ARHGAP26: variants seen among roughly 807,000 people sequenced by gnomAD.
The protein encoded by ARHGAP26 is Rho GTPase activating protein 26, also known as rho GTPase-activating protein 26.
In ARHGAP26, 38 loss-of-function variants were observed where a neutral mutation model predicts 104.8. The observed-to-expected ratio is 0.36, with a 90% CI of 0.28 to 0.48. The LOEUF (loss-of-function observed/expected upper bound fraction) is 0.48, where lower values mean the gene tolerates loss of function less well. Among genes scored for constraint, ARHGAP26 ranks in the 20% least tolerant of loss-of-function variants. ARHGAP26 has a pLI of 0.99. For synonymous variants in ARHGAP26, 341 were observed against 340.0 expected (o/e 1.00, Z -0.03); for missense variants, 704 against 947.9 (o/e 0.74, Z 3.38).
intron 10 of ARHGAP26, among the ~76,000 whole-genome samples, chr5:142,920,128 A>G (rs1314498644): frequency 6.6e-6 from 1 of 152,252 alleles, no homozygotes; most frequent in African/African-American, 2.4e-5. Flanking sequence ...AATTGAATAA[A>G]GACTAGATTG....
intron 20 of ARHGAP26, among the ~76,000 whole-genome samples, chr5:143,177,133 G>C (rs1162489979): frequency 6.6e-6 from 1 of 152,152 alleles, no homozygotes; most frequent in African/African-American, 2.4e-5. Context: ...GCTTCAATGT[G>C]CTGGTTTGGG....
chr5:143,183,731 C>T (rs981026646), intron 20 of ARHGAP26, among the ~76,000 whole-genome samples: 9 of 152,350 alleles, frequency 5.9e-5, no homozygotes, highest in Non-Finnish European at 1.0e-4. Context: ...GGAATGGCTT[C>T]CTCCACCAAC....
intron 11 of ARHGAP26, among the ~76,000 whole-genome samples, chr5:142,997,384 A>G (rs772135747): frequency 2.0e-5 from 3 of 152,018 alleles, no homozygotes; most frequent in Non-Finnish European, 4.4e-5. Context: ...GTCATACTGT[A>G]AACAAATATC....
intron 22 of ARHGAP26, among the ~76,000 whole-genome samples, 188 bp from the exon 23 acceptor site, chr5:143,222,170 T>G (rs1300572989): frequency 1.3e-5 from 2 of 152,024 alleles, no homozygotes; most frequent in African/African-American, 4.8e-5. Context: ...CCACAAAAGG[T>G]TCAGAACCTT....
intron 1 of ARHGAP26, among the ~76,000 whole-genome samples, chr5:142,804,482 A>G (rs10476845): frequency 0.045 from 6,882 of 152,128 alleles, 522 homozygotes; most frequent in African/African-American, 0.16. Context: ...AGGTTTGAAC[A>G]GATTTTATTT....
chr5:143,176,788 G>C (rs778006084), intron 20 of ARHGAP26, among the ~76,000 whole-genome samples: 1 of 152,146 alleles, frequency 6.6e-6, no homozygotes, highest in Non-Finnish European at 1.5e-5. Context: ...ATACTATAAT[G>C]AAAATTTCCA....
chr5:142,817,981 T>C (rs1765457694), intron 1 of ARHGAP26, among the ~76,000 whole-genome samples: 1 of 152,122 alleles, frequency 6.6e-6, no homozygotes, highest in South Asian at 2.1e-4. Context: ...AAATGAGATA[T>C]GAGTTATAGG....
chr5:142,916,822 G>A (rs1487192891), intron 10 of ARHGAP26, among the ~76,000 whole-genome samples: 1 of 152,140 alleles, frequency 6.6e-6, no homozygotes, highest in Non-Finnish European at 1.5e-5. Flanking sequence ...GAGGCAACTG[G>A]TAGTATCAGA....
chr5:143,041,754 G>A, intron 13 of ARHGAP26, 62 bp from the exon 14 acceptor site: 6 of 1,261,050 alleles, frequency 4.8e-6, no homozygotes, highest in Non-Finnish European at 6.7e-6. Context: ...GCATTTGGCT[G>A]GATTGGCCTG....
rs975495910 is a variant in ARHGAP26 at position 142,873,418 on chromosome 5, G to T, written c.173G>T (p.Arg58Leu). Residue 58 changes from arginine to leucine, a missense_variant, in exon 2 of 23, where the codon CGG becomes CTG. Physicochemically the swap from Arg to Leu is moderately radical, Grantham distance 102. This residue lies in a region of ARHGAP26 where 77 missense variants were observed against 82.6 expected (regional missense o/e 0.93). Transcript: ENST00000645722. ...TTGCTAGATTTGTCTTCAGCGAAGCGGAAGTTTGCAGATTCCTTAAATGAA... is the reference window on the plus strand; with the variant it reads ...TTGCTAGATTTGTCTTCAGCGAAGCTGAAGTTTGCAGATTCCTTAAATGAA... ...SALKNLSSAK[R>L]KFADSLNEFK... 9 of 1,592,910 alleles carry T rather than the reference G, an allele frequency of 5.7e-6. No individual in the cohort carries two copies. Among genetic ancestry groups the T allele is most frequent in the Non-Finnish European group, 6.8e-6 (8 of 1,174,478 alleles).
intron 11 of ARHGAP26, among the ~76,000 whole-genome samples, chr5:142,957,500 C>T (rs893575966): frequency 6.6e-6 from 1 of 152,186 alleles, no homozygotes; most frequent in Admixed American, 6.5e-5. Flanking sequence ...CACTTTGTGG[C>T]TCGTCTTTGT....
chr5:143,088,084 T>C (rs943116605), intron 17 of ARHGAP26, among the ~76,000 whole-genome samples: 1 of 152,230 alleles, frequency 6.6e-6, no homozygotes. Context: ...CACATAAAGC[T>C]GGTGCTACTG....
chr5:142,821,300 GTTT>G lies in ARHGAP26; in HGVS notation c.154+50410_154+50412del, dbSNP rs71576157. Among the ~76,000 whole-genome samples, 964 of 106,326 alleles carry G rather than the reference GTTT, an allele frequency of 9.1e-3. 24 individuals carry two copies. Among genetic ancestry groups the G allele is most frequent in the East Asian group, 0.069 (200 of 2,912 alleles). 69.8% of individuals were successfully genotyped at this position (106,326 alleles called of 152,430 possible). ...TTGGCAGGCTTCCTAAGGTAGAGTG[GTTT>G]TTTTTTTTTTTTTTTTTTTTTTTTA... On this transcript the variant is annotated intron_variant, in intron 1 of 22. Coordinates refer to ENST00000645722, the MANE Select transcript of ARHGAP26 (RefSeq NM_001135608.3).
chr5:143,056,666 A>C (rs1785868119), intron 16 of ARHGAP26, among the ~76,000 whole-genome samples: 1 of 152,182 alleles, frequency 6.6e-6, no homozygotes, highest in Non-Finnish European at 1.5e-5. Flanking sequence ...GTATACTGGA[A>C]TCTCTGGCTA....
intron 18 of ARHGAP26, among the ~76,000 whole-genome samples, chr5:143,121,639 G>A (rs1796146070): frequency 6.6e-6 from 1 of 152,084 alleles, no homozygotes; most frequent in Admixed American, 6.6e-5. Context: ...AAATGGTGTT[G>A]TATTTTTTGT....
At position 142,813,186 on chromosome 5, in the gene ARHGAP26, C is replaced by A. The variant is rs985717254; in HGVS notation, c.154+42271C>A. Among the ~76,000 whole-genome samples, 8 of 152,238 alleles carry A rather than the reference C, an allele frequency of 5.3e-5. No individual in the cohort carries two copies. In the East Asian group the frequency reaches 1.5e-3, roughly 29 times the overall value. ...TTGATCTCCTGACCTCGTGATCCAC[C>A]CGCCTTGGCCTCCCAGAGTGCGGGG... On this transcript the variant is annotated intron_variant, in intron 1 of 22. Coordinates refer to ENST00000645722, the MANE Select transcript of ARHGAP26 (RefSeq NM_001135608.3).
intron 1 of ARHGAP26, among the ~76,000 whole-genome samples, chr5:142,812,783 C>G (rs1321314669): frequency 6.6e-6 from 1 of 152,192 alleles, no homozygotes; most frequent in Non-Finnish European, 1.5e-5. Context: ...AGCAGTCCTC[C>G]TGCCTCAGCC....
At chr5:142,904,932 C>CA (rs2152461060) in intron 8 of ARHGAP26, among the ~76,000 whole-genome samples, 1 of 152,256 alleles carries the variant, frequency 6.6e-6, no homozygotes, top group African/African-American at 2.4e-5. Context: ...TTAGTAATTA[C>CA]TCAAAAATTT....
intron 11 of ARHGAP26, among the ~76,000 whole-genome samples, chr5:142,972,786 C>T (rs978528569): frequency 6.6e-6 from 1 of 152,098 alleles, no homozygotes; most frequent in African/African-American, 2.4e-5. Context: ...TTGACCTCTA[C>T]ACCTCATCAT....
Sources: allele counts gnomAD v4.1 joint callset (sites outside exome capture counted in the v4.1 genomes callset), GRCh38; gene constraint gnomAD v4.1.1; regional missense constraint gnomAD v4.1.1; transcripts MANE v1.5; gene names NCBI Gene and HGNC (gene_info 2026-07-23, HGNC 2026-07-21).